Variants in RPS6KA2 observed in about 807,000 individuals in gnomAD.
RPS6KA2 encodes the protein ribosomal protein S6 kinase alpha-2.
RPS6KA2 carries 42 observed loss-of-function variants against 91.8 expected under a neutral mutation model. That is an observed-to-expected ratio of 0.46 (90% confidence interval 0.36 to 0.59). The LOEUF (loss-of-function observed/expected upper bound fraction) is 0.59, where lower values mean the gene tolerates loss of function less well. RPS6KA2 is among the 20% of genes least tolerant of loss of function. RPS6KA2 has a pLI of 0.00. For synonymous variants in RPS6KA2, 414 were observed against 393.6 expected, an observed-to-expected ratio of 1.05 and a Z score of -0.61; for missense variants, 798 against 978.5, an observed-to-expected ratio of 0.82 and a Z score of 2.46.
chr6:166,739,506 C>G (rs901476278), intron 2 of RPS6KA2, among the ~76,000 whole-genome samples: 2 of 152,218 alleles, frequency 1.3e-5, no homozygotes, highest in African/African-American at 4.8e-5. Flanking sequence ...TGTGAGCTCA[C>G]AGAGCAGGCT....
intron 1 of RPS6KA2, among the ~76,000 whole-genome samples, chr6:166,619,877 G>A (rs565248264): frequency 6.6e-6 from 1 of 152,312 alleles, no homozygotes; most frequent in East Asian, 1.9e-4. Flanking sequence ...GGACCTGTGC[G>A]AGCTTCTTAA....
rs1313630911 is a variant in RPS6KA2, at chr6:166,423,123, T to C, written c.1743+133A>G. ...AAGAGACTGAAGGTTCTCGTTTCTG[T>C]TTCCCAACACCACTGCTGACGCAGC... On this transcript the variant is annotated intron_variant, in intron 17 of 20. Transcript: ENST00000265678. This position sits in a 1 kb window ranked among gnomAD's most constrained non-coding sequence, Gnocchi z 4.8. The C allele has an allele frequency of 1.6e-5, 14 of 859,658 alleles. No individual in the cohort carries two copies. Among genetic ancestry groups the C allele is most frequent in the Non-Finnish European group, 2.4e-5 (14 of 576,142 alleles). The allele number at this position is 859,658 out of a possible 1,614,324, so 53.3% of individuals were successfully genotyped here.
chr6:166,679,769 C>T (rs927939819), intron 2 of RPS6KA2, among the ~76,000 whole-genome samples: 7 of 152,164 alleles, frequency 4.6e-5, no homozygotes, highest in Non-Finnish European at 5.9e-5. Context: ...GGGAGCGGCG[C>T]GGGCGGGAGC....
intron 1 of RPS6KA2, among the ~76,000 whole-genome samples, chr6:166,595,019 A>G (rs1014560435): frequency 2.0e-5 from 3 of 151,778 alleles, no homozygotes; most frequent in African/African-American, 7.3e-5. Context: ...TGGTTTTCTC[A>G]CCCAAATAAA....
At position 166,732,753 on chromosome 6, in the gene RPS6KA2, T is replaced by C. The variant is rs571646273; in HGVS notation, c.123+125447A>G. ...CCCAGGGCACAGCACAGGGGCCCGG[T>C]CAGAGCCTCTTCCTACCAGAGGTGA... On this transcript the variant is annotated intron_variant, in intron 2 of 21. Transcript: ENST00000503859. This position sits in a 1 kb window ranked among gnomAD's most constrained non-coding sequence, Gnocchi z 4.0. Among the ~76,000 whole-genome samples, 179 of 152,166 alleles carry C rather than the reference T, an allele frequency of 1.2e-3. No homozygotes were observed. Among genetic ancestry groups the C allele is most frequent in the African/African-American group, 3.9e-3 (160 of 41,518 alleles).
intron 2 of RPS6KA2, chr6:166,757,707 C>A (rs933691254): frequency 4.8e-6 from 2 of 419,956 alleles, no homozygotes; most frequent in African/African-American, 4.1e-5. Context: ...CCACCCCGCA[C>A]ACCTCCTCTT....
intron 2 of RPS6KA2, among the ~76,000 whole-genome samples, chr6:166,695,845 C>CAGGAGCACTGGATTCTCAT (rs1562388059): frequency 1.4e-5 from 2 of 145,086 alleles, no homozygotes; most frequent in Non-Finnish European, 3.0e-5. Context: ...TGGATTCTCA[C>CAGGAGCACTGGATTCTCAT]AGGAGCACTG....
intron 15 of RPS6KA2, 35 bp from the exon 16 acceptor site, chr6:166,430,646 G>A (rs770923833): frequency 5.0e-6 from 8 of 1,584,186 alleles, no homozygotes; most frequent in African/African-American, 1.3e-5. Context: ...ACGTCACCAC[G>A]GCTGGTTGCT....
Position 166,490,597 on chromosome 6 carries a change from C to G in RPS6KA2, c.818+74G>C. ...GCAATGTAATTAAAACTTCACAGTTCCAGGTTCAGAGGCAGCAGCTCTTGA... is the reference window on the plus strand; with the variant it reads ...GCAATGTAATTAAAACTTCACAGTTGCAGGTTCAGAGGCAGCAGCTCTTGA... On this transcript the variant is annotated intron_variant, in intron 9 of 20. Transcript: ENST00000265678. This position sits in a 1 kb window ranked among gnomAD's most constrained non-coding sequence, Gnocchi z 4.2. 1 of 987,756 alleles carries G rather than the reference C, an allele frequency of 1.0e-6. No individual in the cohort carries two copies. Among genetic ancestry groups the G allele is most frequent in the Non-Finnish European group, 1.6e-6 (1 of 631,484 alleles). 61.2% of individuals were successfully genotyped at this position (987,756 alleles called of 1,614,324 possible). A position where few individuals can be genotyped will look rare whatever the true frequency, so the allele number is the denominator to read the frequency against.
chr6:166,667,170 T>C (rs986275439), intron 2 of RPS6KA2, among the ~76,000 whole-genome samples: 2 of 152,158 alleles, frequency 1.3e-5, no homozygotes, highest in African/African-American at 4.8e-5. Context: ...AGAAAGATGG[T>C]GGTGATGGTT....
At chr6:166,680,414 C>A (rs570936523) in intron 2 of RPS6KA2, among the ~76,000 whole-genome samples, 1 of 152,202 alleles carries the variant, frequency 6.6e-6, no homozygotes, top group African/African-American at 2.4e-5. Context: ...TAAAAGCAGG[C>A]CGCCCCAGCC....
At chr6:166,747,301 G>T (rs1791050669) in intron 2 of RPS6KA2, among the ~76,000 whole-genome samples, 1 of 152,130 alleles carries the variant, frequency 6.6e-6, no homozygotes, top group African/African-American at 2.4e-5. Flanking sequence ...TCACTTCACC[G>T]ATTCCAAGGG....
At position 166,410,475 on chromosome 6, in the gene RPS6KA2, A is replaced by T. The variant is rs1583093393; in HGVS notation, c.*2287T>A. The T allele has an allele frequency of 6.6e-6, 1 of 152,364 alleles. No homozygotes were observed. The highest frequency in any genetic ancestry group is 6.6e-5 in the Admixed American group (1 of 15,246). 9.4% of individuals were successfully genotyped at this position (152,364 alleles called of 1,614,324 possible). On this transcript the variant is annotated 3_prime_UTR_variant, in exon 21 of 21. Coordinates refer to ENST00000265678, the MANE Select transcript of RPS6KA2 (RefSeq NM_021135.6). ...TCATTTTGTTCTGGATATGGGAGGG[A>T]AAGTAGAGGTATTTCACAGACACTC...
chr6:166,696,287 G>T (rs925495283), intron 2 of RPS6KA2, among the ~76,000 whole-genome samples: 2 of 152,158 alleles, frequency 1.3e-5, no homozygotes, highest in African/African-American at 4.8e-5. Context: ...ATCAATACGG[G>T]GGTGATCAGA....
intron 2 of RPS6KA2, among the ~76,000 whole-genome samples, chr6:166,650,938 C>T (rs1170081952): frequency 3.3e-5 from 5 of 152,124 alleles, no homozygotes; most frequent in African/African-American, 1.2e-4. Flanking sequence ...AGGAATAGAT[C>T]ACTTTTTAAA....
At chr6:166,628,981 G>A (rs1786994803), upstream of RPS6KA2, among the ~76,000 whole-genome samples, 1 of 152,212 alleles carries the variant, frequency 6.6e-6, no homozygotes, top group South Asian at 2.1e-4. Flanking sequence ...CATGAAAACT[G>A]CTTTGCCTGC....
intron 14 of RPS6KA2, among the ~76,000 whole-genome samples, chr6:166,442,994 C>T (rs1779567632): frequency 6.6e-6 from 1 of 152,104 alleles, no homozygotes; most frequent in South Asian, 2.1e-4. Context: ...ACTAATGTCC[C>T]ACTGTTGACT....
At chr6:166,547,776 G>A (rs1783876776) in intron 1 of RPS6KA2, among the ~76,000 whole-genome samples, 1 of 152,258 alleles carries the variant, frequency 6.6e-6, no homozygotes, top group African/African-American at 2.4e-5. Context: ...GAGTAACTGA[G>A]TCCGTGTTTT....
At chr6:166,752,083 A>C (rs373447011) in intron 2 of RPS6KA2, among the ~76,000 whole-genome samples, 1 of 152,272 alleles carries the variant, frequency 6.6e-6, no homozygotes, top group African/African-American at 2.4e-5. Context: ...CTGGGTATTC[A>C]ATGTCTCATG....
Sources: allele counts gnomAD v4.1 joint callset (sites outside exome capture counted in the v4.1 genomes callset), GRCh38; gene constraint gnomAD v4.1.1; non-coding constraint Gnocchi (gnomAD v3.1); transcripts MANE v1.5; gene names NCBI Gene and HGNC (gene_info 2026-07-23, HGNC 2026-07-21).